Variants in HSD17B2 observed in about 807,000 individuals in gnomAD.
HSD17B2 encodes the protein 17-beta-hydroxysteroid dehydrogenase type 2.
HSD17B2 carries 32 observed loss-of-function variants against 26.9 expected under a neutral mutation model. The ratio of observed to expected loss-of-function variants is 1.19; its 90% CI spans 0.90 to 1.60. HSD17B2 has a LOEUF of 1.60. Among genes scored for constraint, HSD17B2 ranks in the 40% most tolerant of loss-of-function variants. HSD17B2 has a pLI of 0.00. For missense variants in HSD17B2, 613 were observed against 468.6 expected, an observed-to-expected ratio of 1.31 and a Z score of -2.85; for synonymous variants, 246 against 186.7, an observed-to-expected ratio of 1.32 and a Z score of -2.59.
At chr16:82,052,711 T>C (rs945062172) in intron 1 of HSD17B2, among the ~76,000 whole-genome samples, 1 of 152,156 alleles carries the variant, frequency 6.6e-6, no homozygotes, top group Admixed American at 6.5e-5. Flanking sequence ...AAATATCCTT[T>C]CTCTTAGCTT....
At chr16:82,080,274 C>T (rs1175635458) in intron 3 of HSD17B2, among the ~76,000 whole-genome samples, 5 of 152,110 alleles carry the variant, frequency 3.3e-5, no homozygotes, top group Admixed American at 1.3e-4. Context: ...TGTTACCTCA[C>T]GTGGCAAATG....
intron 2 of HSD17B2, among the ~76,000 whole-genome samples, chr16:82,068,766 T>C (rs559616324): frequency 4.6e-5 from 7 of 152,292 alleles, no homozygotes; most frequent in Admixed American, 3.9e-4. Flanking sequence ...CTTCCTCTTC[T>C]CTTTCCTTCA....
chr16:82,048,484 A>G (rs889090439), intron 1 of HSD17B2, among the ~76,000 whole-genome samples: 1 of 152,182 alleles, frequency 6.6e-6, no homozygotes, highest in African/African-American at 2.4e-5. Context: ...ATTTTGGTGG[A>G]AAAGGGAAGG....
chr16:82,084,044 A>C (rs1337200403), intron 3 of HSD17B2, among the ~76,000 whole-genome samples: 1 of 152,092 alleles, frequency 6.6e-6, no homozygotes, highest in Non-Finnish European at 1.5e-5. Flanking sequence ...TGCTATGCTC[A>C]AAAACAAGCC....
At chr16:82,073,787 T>A (rs1269981949) in intron 3 of HSD17B2, among the ~76,000 whole-genome samples, 1 of 152,214 alleles carries the variant, frequency 6.6e-6, no homozygotes, top group Non-Finnish European at 1.5e-5. Context: ...CAAAGCAATT[T>A]ATAGATTCGA....
At chr16:82,057,523 T>A (rs1181261602) in intron 1 of HSD17B2, among the ~76,000 whole-genome samples, 11 of 152,194 alleles carry the variant, frequency 7.2e-5, no homozygotes, top group Admixed American at 5.2e-4. Context: ...AAGTGTGGCC[T>A]GTGCACAACG....
chr16:82,083,597 C>T (rs553631374), intron 3 of HSD17B2, among the ~76,000 whole-genome samples: 6 of 152,236 alleles, frequency 3.9e-5, no homozygotes, highest in South Asian at 4.2e-4. Flanking sequence ...GTAGCATTAG[C>T]GACCCAAAAA....
intron 4 of HSD17B2, chr16:82,091,300 A>C: frequency 2.1e-6 from 1 of 485,494 alleles, no homozygotes; most frequent in East Asian, 4.1e-5. Context: ...ATGGCTCAGT[A>C]AGTCAGATTA....
chr16:82,082,704 C>T (rs1904416087), intron 3 of HSD17B2, among the ~76,000 whole-genome samples: 1 of 152,166 alleles, frequency 6.6e-6, no homozygotes, highest in Admixed American at 6.5e-5. Context: ...TAAATACATT[C>T]AGAGCTGATG....
At chr16:82,085,626 T>C (rs1380225641) in intron 3 of HSD17B2, among the ~76,000 whole-genome samples, 1 of 152,002 alleles carries the variant, frequency 6.6e-6, no homozygotes, top group Non-Finnish European at 1.5e-5. Context: ...TCAGGAAGTG[T>C]TGGCAATTTA....
At chr16:82,097,426 A>G (rs891180771) in intron 4 of HSD17B2, 7 of 151,504 alleles carry the variant, frequency 4.6e-5, no homozygotes, top group African/African-American at 1.7e-4. Context: ...TATGTTGCCC[A>G]GGCTGATCTT....
chr16:82,098,255 C>G lies in HSD17B2; in HGVS notation c.983C>G (p.Ala328Gly), dbSNP rs1298919039. ...FSPVLRDIQHAILAKSPFAYY... is the reference protein window; with the variant it reads ...FSPVLRDIQHGILAKSPFAYY... ...CCGGTGCTGCGGGACATCCAGCATG[C>G]TATCTTGGCGAAGAGCCCTTTTGCC... The change falls in exon 5 of 5, where the codon GCT becomes GGT. Residue 328 changes from alanine (A) to glycine (G), a missense_variant. Coordinates refer to ENST00000199936, the MANE Select transcript of HSD17B2 (RefSeq NM_002153.3). 6.2e-7 allele frequency: 1 copy of G among 1,614,210 alleles called. No individual in the cohort carries two copies. The highest frequency in any genetic ancestry group is 1.7e-5 in the Admixed American group (1 of 60,028).
Position 82,090,929 on chromosome 16 carries a change from C to G in HSD17B2, c.692C>G (p.Ser231Cys). The change falls in exon 4 of 5, where the codon TCT becomes TGT. Residue 231 changes from serine to cysteine, a missense_variant. Physicochemically the swap from Ser to Cys is moderately radical, Grantham distance 112 (BLOSUM62 -1). Coordinates refer to ENST00000199936, the MANE Select transcript of HSD17B2 (RefSeq NM_002153.3). ...GGGAPMERLA[S>C]YGSSKAAVTM... Reference sequence around the variant, plus strand: ...GGGGCCCCAATGGAAAGGCTGGCATCTTATGGCTCATCAAAGGCGGCTGTG... The same window carrying G: ...GGGGCCCCAATGGAAAGGCTGGCATGTTATGGCTCATCAAAGGCGGCTGTG... 1.9e-6 allele frequency: 3 copies of G among 1,613,952 alleles called. No homozygotes were observed. The highest frequency in any genetic ancestry group is 1.1e-5 in the South Asian group (1 of 91,050).
At chr16:82,087,525 T>C (rs559560847) in intron 3 of HSD17B2, among the ~76,000 whole-genome samples, 1 of 152,310 alleles carries the variant, frequency 6.6e-6, no homozygotes, top group South Asian at 2.1e-4. Flanking sequence ...TGGTCTAATA[T>C]TGGCAGTTCT....
chr16:82,036,529 G>C (rs982138691), intron 1 of HSD17B2, among the ~76,000 whole-genome samples: 1 of 152,090 alleles, frequency 6.6e-6, no homozygotes, highest in African/African-American at 2.4e-5. Flanking sequence ...GAATCATTTG[G>C]GGGAGATCAT....
chr16:82,088,142 A>C (rs1904581909), intron 3 of HSD17B2, among the ~76,000 whole-genome samples: 2 of 152,248 alleles, frequency 1.3e-5, no homozygotes, highest in Non-Finnish European at 2.9e-5. Flanking sequence ...TATTAAGTGC[A>C]GATTCTGATT....
intron 4 of HSD17B2, chr16:82,092,530 T>C (rs1904725423): frequency 1.3e-5 from 2 of 152,082 alleles, no homozygotes; most frequent in African/African-American, 4.8e-5. Context: ...TACAGAAATA[T>C]TGAAATTTTG....
At chr16:82,091,125 C>T (rs537048168) in intron 4 of HSD17B2, 86 bp downstream of exon 4, 1 of 1,295,846 alleles carries the variant, frequency 7.7e-7, no homozygotes, top group Non-Finnish European at 1.1e-6. Flanking sequence ...ACACATTGAA[C>T]CCCTCATTGT....
chr16:82,055,125 G>T (rs1298591332), intron 1 of HSD17B2, among the ~76,000 whole-genome samples: 1 of 152,210 alleles, frequency 6.6e-6, no homozygotes, highest in Non-Finnish European at 1.5e-5. Flanking sequence ...GAAAATCACT[G>T]ACTTAAAGGC....
Sources: gnomAD v4.1 joint callset for allele counts (sites outside exome capture counted in the v4.1 genomes callset) on GRCh38, gnomAD v4.1.1 for gene constraint, MANE v1.5 for transcripts, NCBI Gene and HGNC (gene_info 2026-07-23, HGNC 2026-07-21) for gene names.